SLC35F4: variants seen among roughly 807,000 people sequenced by gnomAD.
SLC35F4 encodes chromosome 14 open reading frame 36.
SLC35F4 carries 24 observed loss-of-function variants against 44.2 expected under a neutral mutation model. That is an observed-to-expected ratio of 0.54 (90% confidence interval 0.39 to 0.76). SLC35F4 has a LOEUF of 0.76. Ranked by LOEUF, SLC35F4 falls within the 30% of genes least tolerant of loss-of-function variation. The pLI is 0.00. For synonymous variants in SLC35F4, 238 were observed against 223.6 expected (o/e 1.06, Z -0.57); for missense variants, 562 against 586.1 (o/e 0.96, Z 0.42).
In SLC35F4 at chr14:57,590,620, G is replaced by GA. The variant is rs560348174; in HGVS notation, c.290-1108dup. 9.9e-5 allele frequency among the ~76,000 whole-genome samples: 15 copies of GA among 152,202 alleles called. No individual in the cohort carries two copies. In the East Asian group the frequency reaches 2.3e-3, roughly 24 times the overall value. ...ATCATGAAGGCTGTCTCCCTTCATG[G>GA]AAAAAACAAGTTAACATAATGAATT... On this transcript the variant is annotated intron_variant, in intron 2 of 7. Coordinates refer to ENST00000556826, the MANE Select transcript of SLC35F4 (RefSeq NM_001306087.2).
At chr14:57,577,639 T>C (rs2139766472) in intron 4 of SLC35F4, among the ~76,000 whole-genome samples, 1 of 151,860 alleles carries the variant, frequency 6.6e-6, no homozygotes, top group South Asian at 2.1e-4. Flanking sequence ...TCCCAGCCAG[T>C]GGCACATTCC....
intron 1 of SLC35F4, among the ~76,000 whole-genome samples, chr14:57,710,564 C>T (rs1324941229): frequency 2.0e-5 from 3 of 152,158 alleles, no homozygotes; most frequent in African/African-American, 4.8e-5. Flanking sequence ...GCCACAGATA[C>T]TCAAAGCAGT....
intron 1 of SLC35F4, among the ~76,000 whole-genome samples, chr14:57,614,451 G>A (rs999720890): frequency 3.3e-5 from 5 of 152,200 alleles, no homozygotes; most frequent in African/African-American, 9.6e-5. Flanking sequence ...TCAATCTTTC[G>A]TTATCAACAA....
At chr14:57,766,184 AC>A (rs2077230378) in intron 1 of SLC35F4, among the ~76,000 whole-genome samples, 1 of 152,218 alleles carries the variant, frequency 6.6e-6, no homozygotes. Flanking sequence ...CAAGAGCTGT[AC>A]CTCTTTATTC....
chr14:57,763,733 G>A (rs975969756), intron 1 of SLC35F4, among the ~76,000 whole-genome samples: 2 of 152,056 alleles, frequency 1.3e-5, no homozygotes, highest in African/African-American at 4.8e-5. Flanking sequence ...CAAACACACA[G>A]CTTTTCTGCC....
intron 1 of SLC35F4, among the ~76,000 whole-genome samples, chr14:57,821,461 A>T (rs971666065): frequency 2.6e-5 from 4 of 152,238 alleles, no homozygotes; most frequent in African/African-American, 9.6e-5. Flanking sequence ...CAATGGTAAG[A>T]AAAAAGCTGT....
At chr14:57,742,186 T>A (rs2076628307) in intron 1 of SLC35F4, among the ~76,000 whole-genome samples, 1 of 152,148 alleles carries the variant, frequency 6.6e-6, no homozygotes, top group Non-Finnish European at 1.5e-5. Context: ...AATAACCAGC[T>A]AACATCATAA....
At chr14:57,699,951 T>A (rs1274162521) in intron 1 of SLC35F4, among the ~76,000 whole-genome samples, 1 of 152,198 alleles carries the variant, frequency 6.6e-6, no homozygotes, top group African/African-American at 2.4e-5. Context: ...TTTACTACAG[T>A]AGTCTTCCCT....
intron 1 of SLC35F4, among the ~76,000 whole-genome samples, chr14:57,653,250 A>G (rs2073849854): frequency 6.6e-6 from 1 of 152,194 alleles, no homozygotes; most frequent in South Asian, 2.1e-4. Flanking sequence ...AGTGCTTGCA[A>G]TATCCCACAA....
intron 1 of SLC35F4, among the ~76,000 whole-genome samples, chr14:57,691,718 C>T (rs941487423): frequency 6.6e-6 from 1 of 152,082 alleles, no homozygotes; most frequent in Non-Finnish European, 1.5e-5. Context: ...TTCAGCTGGG[C>T]TCTATTAGGG....
intron 2 of SLC35F4, among the ~76,000 whole-genome samples, chr14:57,590,974 C>G (rs2070137777): frequency 6.6e-6 from 1 of 152,152 alleles, no homozygotes; most frequent in Non-Finnish European, 1.5e-5. Context: ...GAGAAGAGAG[C>G]CTTGAAAGTG....
chr14:57,722,993 C>A (rs2076120596), intron 1 of SLC35F4, among the ~76,000 whole-genome samples: 1 of 152,156 alleles, frequency 6.6e-6, no homozygotes, highest in African/African-American at 2.4e-5. Flanking sequence ...CCCAAGGAGA[C>A]CTCCAACCTT....
At chr14:57,858,384 C>T (rs1268542321) in intron 1 of SLC35F4, among the ~76,000 whole-genome samples, 2 of 151,916 alleles carry the variant, frequency 1.3e-5, no homozygotes, top group Admixed American at 1.3e-4. Flanking sequence ...TTTGTAGGGA[C>T]ATGGATGAAG....
chr14:57,605,175 C>T (rs977343848), intron 1 of SLC35F4, among the ~76,000 whole-genome samples: 1 of 152,114 alleles, frequency 6.6e-6, no homozygotes, highest in Non-Finnish European at 1.5e-5. Context: ...AACAGACAAC[C>T]TTTAGAATTG....
At chr14:57,900,309 C>A (rs1888972985) in intron 1 of SLC35F4, among the ~76,000 whole-genome samples, 1 of 152,216 alleles carries the variant, frequency 6.6e-6, no homozygotes, top group African/African-American at 2.4e-5. Context: ...CAGCAAACAT[C>A]CGAGGATTCT....
intron 1 of SLC35F4, among the ~76,000 whole-genome samples, chr14:57,698,917 T>G (rs1864536093): frequency 6.6e-6 from 1 of 152,162 alleles, no homozygotes; most frequent in African/African-American, 2.4e-5. Context: ...TGAGACACCA[T>G]GCCTGGCCAT....
intron 1 of SLC35F4, among the ~76,000 whole-genome samples, chr14:57,612,335 A>G (rs943937623): frequency 3.9e-5 from 6 of 152,240 alleles, no homozygotes; most frequent in South Asian, 2.1e-4. Flanking sequence ...TATTACAAGC[A>G]AGTCTCAAGT....
intron 1 of SLC35F4, among the ~76,000 whole-genome samples, chr14:57,891,597 G>T (rs910927993): frequency 6.6e-6 from 1 of 152,078 alleles, no homozygotes; most frequent in African/African-American, 2.4e-5. Flanking sequence ...TCTTTCTTGG[G>T]CCAGGCAAGG....
At chr14:57,782,248 C>A (rs1242419777) in intron 1 of SLC35F4, among the ~76,000 whole-genome samples, 1 of 151,728 alleles carries the variant, frequency 6.6e-6, no homozygotes, top group Non-Finnish European at 1.5e-5. Flanking sequence ...TACAGTTGGC[C>A]CTTGAGCAAT....
Sources: gnomAD v4.1 joint callset for allele counts (sites outside exome capture counted in the v4.1 genomes callset) on GRCh38, gnomAD v4.1.1 for gene constraint, MANE v1.5 for transcripts, NCBI Gene and HGNC (gene_info 2026-07-23, HGNC 2026-07-21) for gene names.